Variants in SHH observed in about 807,000 individuals in gnomAD.
The protein encoded by SHH is sonic hedgehog signaling molecule.
SHH carries 3 observed loss-of-function variants against 16.6 expected under a neutral mutation model. The observed-to-expected ratio is 0.18, with a 90% confidence interval of 0.08 to 0.47. SHH has a LOEUF of 0.47. Among genes scored for constraint, SHH ranks in the 20% least tolerant of loss-of-function variants. The pLI is 0.98. For synonymous variants in SHH, 351 were observed against 316.2 expected (o/e 1.11, Z -1.17); for missense variants, 499 against 665.0 (o/e 0.75, Z 2.75).
At chr7:155,810,555 G>C (rs1463026096) in intron 1 of SHH, among the ~76,000 whole-genome samples, 1 of 152,248 alleles carries the variant, frequency 6.6e-6, no homozygotes, top group African/African-American at 2.4e-5. Flanking sequence ...CAGATTTAAG[G>C]TGGTCGGGAG....
intron 1 of SHH, chr7:155,808,849 G>C (rs2117145122): frequency 6.6e-6 from 1 of 152,412 alleles, no homozygotes; most frequent in Non-Finnish European, 1.5e-5. Context: ...GCGCCGGCGA[G>C]TGTCACCGCC....
In SHH at chr7:155,800,384, G is replaced by T; in HGVS notation, c.*2516C>A. On this transcript the variant is annotated 3_prime_UTR_variant, in exon 3 of 3. Transcript: ENST00000297261. ...GGAGGGAGTGCCACCCAGGAGTGAG[G>T]ATTTCCCATCCGGGTGAAGCTCTGC... is the stretch of plus-strand genomic sequence containing the variant. 2.6e-6 allele frequency: 1 copy of T among 388,558 alleles called. No homozygotes were observed. Among genetic ancestry groups the T allele is most frequent in the Non-Finnish European group, 5.1e-6 (1 of 194,224 alleles). The allele number at this position is 388,558 out of a possible 1,614,324, so 24.1% of individuals were successfully genotyped here.
At chr7:155,808,566 G>C (rs1803426241) in intron 1 of SHH, among the ~76,000 whole-genome samples, 1 of 152,196 alleles carries the variant, frequency 6.6e-6, no homozygotes, top group African/African-American at 2.4e-5. Flanking sequence ...TGCTGGAGTT[G>C]GCGCCCCCGC....
chr7:155,803,805 G>T, intron 2 of SHH, 79 bp from the exon 3 acceptor site: 3 of 1,282,878 alleles, frequency 2.3e-6, no homozygotes, highest in Non-Finnish European at 3.3e-6. Context: ...GGAGGAGGGC[G>T]CACGCTTGGT....
rs1363765601 is a variant in SHH at position 155,803,414 on chromosome 7, CCCGAGCCCGAGGA to C, written c.862_874del (p.Ser288GlyfsTer44). The C allele has an allele frequency of 1.3e-6, 2 of 1,526,042 alleles. No homozygotes were observed. Among genetic ancestry groups the C allele is most frequent in the Admixed American group, 4.0e-5 (2 of 50,332 alleles). 94.5% of individuals were successfully genotyped at this position (1,526,042 alleles called of 1,614,324 possible). On this transcript the variant is annotated frameshift_variant, in exon 3 of 3. Coordinates refer to ENST00000297261, the MANE Select transcript of SHH (RefSeq NM_000193.4). LOFTEE classifies it low-confidence loss of function (END_TRUNC). ...CCCCAGTGCGCCCCCGGAAGGCGGCCCCGAGCCCGAGGACGCCTCGGGCTCCCCGGTGGCCGAG... is the reference window on the plus strand; with the variant it reads ...CCCCAGTGCGCCCCCGGAAGGCGGCCCGCCTCGGGCTCCCCGGTGGCCGAG...
At chr7:155,805,803 C>T (rs1803343526) in intron 2 of SHH, among the ~76,000 whole-genome samples, 1 of 152,228 alleles carries the variant, frequency 6.6e-6, no homozygotes, top group South Asian at 2.1e-4. Flanking sequence ...CAGGCCTCTC[C>T]CCAAAGGCAG....
chr7:155,804,119 C>T (rs948262017), intron 2 of SHH, among the ~76,000 whole-genome samples: 6 of 151,976 alleles, frequency 3.9e-5, no homozygotes, highest in African/African-American at 1.4e-4. Context: ...CAGGAAGCCT[C>T]CTTGAGCTCC....
At position 155,806,449 on chromosome 7, in the gene SHH, C is replaced by CAGA; in HGVS notation, c.408_409insTCT (p.Glu136_Glu137insSer). 1.9e-6 allele frequency: 3 copies of CAGA among 1,613,888 alleles called. No homozygotes were observed. Among genetic ancestry groups the CAGA allele is most frequent in the Non-Finnish European group, 2.5e-6 (3 of 1,180,044 alleles). On this transcript the variant is annotated inframe_insertion, in exon 2 of 3. Transcript: ENST00000297261. ...GCGCGGCCCTCGTAGTGCAGAGACT[C>CAGA]CTCTGAGTGGTGGCCATCTTCGTCC...
chr7:155,807,456 A>AGGGGGAGGGGTTTGAGG lies in SHH; in HGVS notation c.301-900_301-899insCCTCAAACCCCTCCCCC, dbSNP rs1803396573. 1.0e-5 allele frequency: 1 copy of AGGGGGAGGGGTTTGAGG among 100,468 alleles called. No homozygotes were observed. The highest frequency in any genetic ancestry group is 3.8e-5 in the African/African-American group (1 of 26,328). The allele number at this position is 100,468 out of a possible 1,614,324, so 6.2% of individuals were successfully genotyped here. Reference sequence around the variant, plus strand: ...GTGGAGGGAGGGGGAGGGGTTTGAGAGGAGGGGGAGGGGAGACAGGAAGGC... The same window carrying AGGGGGAGGGGTTTGAGG: ...GTGGAGGGAGGGGGAGGGGTTTGAGAGGGGGAGGGGTTTGAGGGGAGGGGGAGGGGAGACAGGAAGGC... On this transcript the variant is annotated intron_variant, in intron 1 of 2. Transcript: ENST00000297261. The surrounding 1 kb of genome is among the most constrained non-coding windows in gnomAD (Gnocchi z 7.1).
Position 155,800,703 on chromosome 7 carries a change from G to T in SHH, c.*2197C>A, listed in dbSNP as rs963790499. ...AAAGAAAAGTCTTTTACAGAAAAAG[G>T]CTGAGGACTGCTCCTGAGGAGAGGG... On this transcript the variant is annotated 3_prime_UTR_variant, in exon 3 of 3. Coordinates refer to ENST00000297261, the MANE Select transcript of SHH (RefSeq NM_000193.4). 2 of 464,964 alleles carry T rather than the reference G, an allele frequency of 4.3e-6. No individual in the cohort carries two copies. Among genetic ancestry groups the T allele is most frequent in the South Asian group, 1.6e-5 (1 of 64,376 alleles). 28.8% of individuals were successfully genotyped at this position (464,964 alleles called of 1,614,324 possible).
In SHH at chr7:155,802,965, T is replaced by C. The variant is rs748366191; in HGVS notation, c.1324A>G (p.Ile442Val). The C allele has an allele frequency of 7.1e-6, 11 of 1,554,730 alleles. No individual in the cohort carries two copies. The highest frequency in any genetic ancestry group is 7.8e-6 in the Non-Finnish European group (9 of 1,150,776). Residue 442 changes from isoleucine to valine, a missense_variant, in exon 3 of 3, where the codon ATA becomes GTA. By Grantham distance (29) the Ile-to-Val change is conservative. Transcript: ENST00000297261. ...IHWYSQLLYQ[I>V]GTWLLDSEAL... ...TCGCTGTCCAGGAGCCAGGTGCCTA[T>C]TTGGTAGAGCAGCTGCGAGTACCAG...
At position 155,802,860 on chromosome 7, in the gene SHH, G is replaced by GCCCCCCC; in HGVS notation, c.*39_*40insGGGGGGG. 1.6e-5 allele frequency: 5 copies of GCCCCCCC among 313,078 alleles called. No individual in the cohort carries two copies. Among genetic ancestry groups the GCCCCCCC allele is most frequent in the South Asian group, 5.9e-5 (1 of 17,068 alleles). 19.4% of individuals were successfully genotyped at this position (313,078 alleles called of 1,614,324 possible). ...TGCTTTGCGTTGCTGTTGCTGCCCC[G>GCCCCCCC]CCCCGCCCCCTCCCGCGCCCCTCCC... is the stretch of plus-strand genomic sequence containing the variant. On this transcript the variant is annotated 3_prime_UTR_variant, in exon 3 of 3. Transcript: ENST00000297261.
Position 155,812,180 on chromosome 7 carries a change from CGCGCG to C in SHH, c.-63_-59del, listed in dbSNP as rs1469538733. 1 of 1,564,614 alleles carries C rather than the reference CGCGCG, an allele frequency of 6.4e-7. No individual in the cohort carries two copies. Among genetic ancestry groups the C allele is most frequent in the Non-Finnish European group, 8.8e-7 (1 of 1,136,330 alleles). ...CCCCGTGCGGGTCCGTGCGCGAGTG[CGCGCG>C]GCGGGTGTGTGCGTGTGCGCTCTCT... On this transcript the variant is annotated 5_prime_UTR_variant, in exon 1 of 3. Transcript: ENST00000297261.
chr7:155,809,621 C>T lies in SHH; in HGVS notation c.300+2202G>A, dbSNP rs1316171400. Among the ~76,000 whole-genome samples, 3 of 152,318 alleles carry T rather than the reference C, an allele frequency of 2.0e-5. No homozygotes were observed. The highest frequency in any genetic ancestry group is 2.1e-4 in the South Asian group (1 of 4,826). ...GATAATCCCGGCCTGGCTCTCCTCACCCAACCCCCACTTGGGCCGTCCTTC... is the reference window on the plus strand; with the variant it reads ...GATAATCCCGGCCTGGCTCTCCTCATCCAACCCCCACTTGGGCCGTCCTTC... On this transcript the variant is annotated intron_variant, in intron 1 of 2. Coordinates refer to ENST00000297261, the MANE Select transcript of SHH (RefSeq NM_000193.4). The surrounding 1 kb of genome is among the most constrained non-coding windows in gnomAD (Gnocchi z 6.1).
chr7:155,803,023 G>C lies in SHH; in HGVS notation c.1266C>G (p.Asp422Glu). The C allele has an allele frequency of 1.3e-6, 2 of 1,562,708 alleles. No individual in the cohort carries two copies. Among genetic ancestry groups the C allele is most frequent in the East Asian group, 5.0e-5 (2 of 39,812 alleles). Residue 422 changes from aspartate to glutamate, a missense_variant, in exon 3 of 3, where the codon GAC (aspartate) becomes GAG (glutamate). Coordinates refer to ENST00000297261, the MANE Select transcript of SHH (RefSeq NM_000193.4). Reference sequence around the variant, plus strand: ...CCGCGGTGGCCCCCGCACCCGGAGCGTCGGCAGCACCTGGAGCGGTTAGGG... The same window carrying C: ...CCGCGGTGGCCCCCGCACCCGGAGCCTCGGCAGCACCTGGAGCGGTTAGGG... ...RVALTAPGAA[D>E]APGAGATAGI...
At chr7:155,810,856 C>G (rs1803508099) in intron 1 of SHH, among the ~76,000 whole-genome samples, 1 of 152,204 alleles carries the variant, frequency 6.6e-6, no homozygotes, top group African/African-American at 2.4e-5. Flanking sequence ...CCTATATTTG[C>G]AAGGAAACCC....
chr7:155,808,894 G>T (rs1179275759), intron 1 of SHH: 1 of 152,226 alleles, frequency 6.6e-6, no homozygotes, highest in Non-Finnish European at 1.5e-5. Context: ...GCGGGGGCGG[G>T]GGCGTCCCAG....
intron 1 of SHH, among the ~76,000 whole-genome samples, chr7:155,808,602 C>A (rs1803427899): frequency 1.3e-5 from 2 of 152,202 alleles, no homozygotes; most frequent in South Asian, 4.1e-4. Context: ...CCGGCCCGGG[C>A]TCCGCGCGGC....
rs372304589 is a variant in SHH at position 155,806,284 on chromosome 7, G to C, written c.562+12C>G. ...TCCTTGGGTCGGATCCGGGGGGCCA[G>C]GGCCAGCTTACCTGCTTTCACCGAG... On this transcript the variant is annotated intron_variant, in intron 2 of 2. Transcript: ENST00000297261. 1.2e-6 allele frequency: 2 copies of C among 1,612,968 alleles called. No homozygotes were observed. The highest frequency in any genetic ancestry group is 2.7e-5 in the African/African-American group (2 of 74,952).
Sources: allele counts gnomAD v4.1 joint callset (sites outside exome capture counted in the v4.1 genomes callset), GRCh38; gene constraint gnomAD v4.1.1; non-coding constraint Gnocchi (gnomAD v3.1); transcripts MANE v1.5; gene names NCBI Gene and HGNC (gene_info 2026-07-23, HGNC 2026-07-21).